Variants in PBX1 observed in about 807,000 individuals in gnomAD.
The protein encoded by PBX1 is pre-B-cell leukemia transcription factor 1.
In PBX1, 6 loss-of-function variants were observed where a neutral mutation model predicts 53.4. That is an observed-to-expected ratio of 0.11 (90% CI 0.06 to 0.22). PBX1 has a LOEUF of 0.22. Ranked by LOEUF, PBX1 falls within the 10% of genes least tolerant of loss-of-function variation. PBX1 has a pLI of 1.00. For missense variants in PBX1, 251 were observed against 551.4 expected (o/e 0.46, Z 5.46); for synonymous variants, 204 against 212.3 (o/e 0.96, Z 0.34).
At chr1:164,632,067 C>T (rs1051074790) in intron 2 of PBX1, among the ~76,000 whole-genome samples, 1 of 152,178 alleles carries the variant, frequency 6.6e-6, no homozygotes, top group East Asian at 1.9e-4. Context: ...ATCATTTTAT[C>T]GGAGTCCTCT....
chr1:164,849,807 GTCTC>G lies in PBX1; in HGVS notation c.*3137_*3140del. 1 of 234,568 alleles carries G rather than the reference GTCTC, an allele frequency of 4.3e-6. No individual in the cohort carries two copies. The highest frequency in any genetic ancestry group is 8.4e-6 in the Non-Finnish European group (1 of 119,182). 14.5% of individuals were successfully genotyped at this position (234,568 alleles called of 1,614,324 possible). The stretch of plus-strand genomic sequence containing the variant: ...TCTTTTCTCACACATCTTTCTCTCT[GTCTC>G]TCTCTTTCCTGCTCTTTGTTTTTCT... On this transcript the variant is annotated 3_prime_UTR_variant, in exon 9 of 9. Transcript: ENST00000420696.
intron 2 of PBX1, among the ~76,000 whole-genome samples, chr1:164,784,007 A>C (rs986419271): frequency 6.6e-6 from 1 of 152,342 alleles, no homozygotes; most frequent in Admixed American, 6.5e-5. Flanking sequence ...AATGCACAGC[A>C]AGTTGCCGAC....
intron 2 of PBX1, among the ~76,000 whole-genome samples, chr1:164,576,092 G>T (rs1001997020): frequency 5.9e-5 from 9 of 152,344 alleles, no homozygotes; most frequent in Admixed American, 5.2e-4. Context: ...TCGTCTGGAA[G>T]GAGTTTAAGG....
chr1:164,852,508 A>C (rs1163541088), downstream of PBX1, among the ~76,000 whole-genome samples: 3 of 152,202 alleles, frequency 2.0e-5, no homozygotes. Flanking sequence ...AGTCTTTAAC[A>C]CCATCTTCCC....
At chr1:164,691,011 CT>C (rs386368555) in intron 2 of PBX1, among the ~76,000 whole-genome samples, 1,631 of 106,472 alleles carry the variant, frequency 0.015, 24 homozygotes, top group African/African-American at 0.051. Context: ...GTTGTTAAAT[CT>C]TTTTTTTTTT....
At chr1:164,714,925 T>C (rs1019986533) in intron 2 of PBX1, among the ~76,000 whole-genome samples, 7 of 152,204 alleles carry the variant, frequency 4.6e-5, no homozygotes, top group Non-Finnish European at 1.0e-4. Flanking sequence ...TGTGATTTAG[T>C]TCTATGATGA....
intron 2 of PBX1, among the ~76,000 whole-genome samples, chr1:164,707,781 AT>A (rs1663526197): frequency 6.6e-6 from 1 of 152,206 alleles, no homozygotes; most frequent in Non-Finnish European, 1.5e-5. Context: ...GTGAAATGGC[AT>A]TATAGGTTGT....
At chr1:164,868,988 G>A (rs190418846) in intron 2 of PBX1, among the ~76,000 whole-genome samples, 7 of 152,278 alleles carry the variant, frequency 4.6e-5, no homozygotes, top group South Asian at 2.1e-4. Context: ...GGTTTCTCCC[G>A]GCCTTTGGCA....
At chr1:164,802,419 G>T (rs74118208) in intron 4 of PBX1, among the ~76,000 whole-genome samples, 1 of 152,074 alleles carries the variant, frequency 6.6e-6, no homozygotes, top group African/African-American at 2.4e-5. Flanking sequence ...CTGATTGTAC[G>T]ACTGAGGGCC....
chr1:164,708,990 C>G (rs978102083), intron 2 of PBX1, among the ~76,000 whole-genome samples: 1 of 152,174 alleles, frequency 6.6e-6, no homozygotes, highest in Non-Finnish European at 1.5e-5. Context: ...AAGACAGTGT[C>G]CTAGTCCTTG....
intron 2 of PBX1, among the ~76,000 whole-genome samples, chr1:164,643,733 G>A (rs1538847): frequency 0.46 from 70,520 of 152,056 alleles, 17,122 homozygotes; most frequent in Admixed American, 0.53. Context: ...AATAGCCAAC[G>A]AAGAAGCAAA....
At position 164,870,214 on chromosome 1, in the gene PBX1, T is replaced by TTCCTTCCTTCC. The variant is rs1672318834; in HGVS notation, n.258-28973_258-28972insCCTTCCTTCCT. On this transcript the variant is annotated intron_variant and non_coding_transcript_variant, in intron 2 of 2. Transcript: ENST00000558796. Reference sequence around the variant, plus strand: ...TGACTTTCTTTCTTTCTTTCTTTTCTTTCTTTCCTTCCTTCCTTCCTTCCT... The same window carrying TTCCTTCCTTCC: ...TGACTTTCTTTCTTTCTTTCTTTTCTTCCTTCCTTCCTTCTTTCCTTCCTTCCTTCCTTCCT... Among the ~76,000 whole-genome samples, 6 of 82,466 alleles carry TTCCTTCCTTCC rather than the reference T, an allele frequency of 7.3e-5. 1 individual carries two copies. In the East Asian group the frequency reaches 1.6e-3, roughly 22 times the overall value. The allele number at this position is 82,466 out of a possible 152,430, so 54.1% of individuals were successfully genotyped here. A position where few individuals can be genotyped will look rare whatever the true frequency, so the allele number is the denominator to read the frequency against.
chr1:164,700,310 G>A (rs1472180028), intron 2 of PBX1, among the ~76,000 whole-genome samples: 1 of 152,218 alleles, frequency 6.6e-6, no homozygotes, highest in Non-Finnish European at 1.5e-5. Flanking sequence ...AGGGACACGG[G>A]ACTCCCGTGG....
intron 2 of PBX1, among the ~76,000 whole-genome samples, chr1:164,745,760 G>C (rs188419678): frequency 6.6e-6 from 1 of 152,228 alleles, no homozygotes; most frequent in Admixed American, 6.5e-5. Flanking sequence ...GCCCATCTGC[G>C]ATAGGACTTT....
intron 2 of PBX1, among the ~76,000 whole-genome samples, chr1:164,790,677 T>C (rs1216841464): frequency 6.6e-6 from 1 of 152,220 alleles, no homozygotes; most frequent in East Asian, 1.9e-4. Flanking sequence ...TCTCGTGTTT[T>C]GTGAGAGCCA....
At chr1:164,599,179 C>G (rs1291657256) in intron 2 of PBX1, among the ~76,000 whole-genome samples, 1 of 148,116 alleles carries the variant, frequency 6.8e-6, no homozygotes, top group African/African-American at 2.5e-5. Flanking sequence ...TAACACTACT[C>G]TAACTTTGCT....
chr1:164,690,751 G>A (rs891341945), intron 2 of PBX1, among the ~76,000 whole-genome samples: 1 of 151,430 alleles, frequency 6.6e-6, no homozygotes, highest in South Asian at 2.1e-4. Context: ...ATGTTAACCT[G>A]TTGGATTTTC....
Position 164,847,729 on chromosome 1 carries a change from C to T in PBX1, c.*1053C>T. On this transcript the variant is annotated 3_prime_UTR_variant, in exon 9 of 9. Transcript: ENST00000420696. ...TAACTGTAGCACTATGCCTTTTGAG[C>T]CCGAGAGAGGGAATTAGTGACTCTA... 2.8e-6 allele frequency: 3 copies of T among 1,053,342 alleles called. No homozygotes were observed. The highest frequency in any genetic ancestry group is 2.3e-6 in the Non-Finnish European group (2 of 871,794). 65.2% of individuals were successfully genotyped at this position (1,053,342 alleles called of 1,614,324 possible).
intron 2 of PBX1, among the ~76,000 whole-genome samples, chr1:164,779,846 G>A (rs1035525723): frequency 2.6e-5 from 4 of 152,210 alleles, no homozygotes; most frequent in African/African-American, 9.7e-5. Flanking sequence ...TTCCAGAGCA[G>A]ATATCACATG....
Sources: gnomAD v4.1 joint callset for allele counts (sites outside exome capture counted in the v4.1 genomes callset) on GRCh38, gnomAD v4.1.1 for gene constraint, MANE v1.5 for transcripts, NCBI Gene and HGNC (gene_info 2026-07-23, HGNC 2026-07-21) for gene names.